The following SLC44A3 variants were observed in gnomAD, a reference collection of about 807,000 sequenced individuals.
SLC44A3 encodes solute carrier family 44 member 3, also known as choline transporter-like protein 3.
Under a neutral mutation model 75.4 loss-of-function variants are expected in SLC44A3, and 74 were observed. The observed-to-expected ratio is 0.98, with a 90% CI of 0.81 to 1.19. The LOEUF is 1.19. Among genes scored for constraint, SLC44A3 ranks in the 50% most tolerant of loss-of-function variants. The pLI, the probability that SLC44A3 is intolerant of heterozygous loss-of-function variation, is 0.00. For missense variants in SLC44A3, 700 were observed against 778.6 expected, an observed-to-expected ratio of 0.90 and a Z score of 1.20; for synonymous variants, 310 against 296.9, an observed-to-expected ratio of 1.04 and a Z score of -0.45.
At chr1:94,892,029 T>G (rs574980845) in intron 13 of SLC44A3, among the ~76,000 whole-genome samples, 26 of 152,356 alleles carry the variant, frequency 1.7e-4, no homozygotes, top group Admixed American at 6.5e-4. Context: ...ATTACATTTA[T>G]ATAAATACAA....
intron 5 of SLC44A3, among the ~76,000 whole-genome samples, chr1:94,834,227 G>C (rs1662492685): frequency 1.0e-5 from 1 of 99,764 alleles, no homozygotes; most frequent in African/African-American, 3.5e-5. Context: ...AGAAATGGCA[G>C]GTTCTAGGAC....
At chr1:94,859,150 A>G (rs1402337104) in intron 10 of SLC44A3, among the ~76,000 whole-genome samples, 1 of 152,208 alleles carries the variant, frequency 6.6e-6, no homozygotes, top group Non-Finnish European at 1.5e-5. Flanking sequence ...GAGCAAAGAG[A>G]GTATTCTAAC....
chr1:94,836,913 C>CAAAAAAAAA (rs56149444), intron 5 of SLC44A3: 13 of 124,312 alleles, frequency 1.0e-4, no homozygotes, highest in African/African-American at 3.1e-4. Flanking sequence ...CCTGTCTCAA[C>CAAAAAAAAA]AAAAAAAAAA....
At chr1:94,824,762 G>T (rs1297090931) in intron 3 of SLC44A3, 127 bp downstream of exon 3, 9 of 1,156,614 alleles carry the variant, frequency 7.8e-6, no homozygotes, top group South Asian at 1.7e-5. Context: ...AAAAAGGAAG[G>T]CTGTGTATAT....
chr1:94,840,108 A>G, intron 7 of SLC44A3, 71 bp downstream of exon 7: 1 of 1,375,554 alleles, frequency 7.3e-7, no homozygotes, highest in Non-Finnish European at 1.0e-6. Context: ...TACAGAACTT[A>G]AAAGTTGGCA....
Position 94,820,483 on chromosome 1 carries a change from G to A in SLC44A3, c.27+5G>A, listed in dbSNP as rs961503026. ...TGCCTGGGCGCCGAGTACCTGGTAA[G>A]CGCTCGCAGCCTCGGCCCTCGGGGG... is the stretch of plus-strand genomic sequence containing the variant. On this transcript the variant is annotated splice_donor_5th_base_variant and intron_variant, in intron 1 of 14. Coordinates refer to ENST00000271227, the MANE Select transcript of SLC44A3 (RefSeq NM_001114106.3). 5.9e-5 allele frequency: 88 copies of A among 1,494,838 alleles called. 1 individual carries two copies. The Admixed American group carries it at 6.3e-4, about 11-fold the overall frequency. 92.6% of individuals were successfully genotyped at this position (1,494,838 alleles called of 1,614,324 possible).
At chr1:94,830,612 T>C (rs998842279) in intron 5 of SLC44A3, among the ~76,000 whole-genome samples, 13 of 152,268 alleles carry the variant, frequency 8.5e-5, no homozygotes, top group African/African-American at 3.1e-4. Flanking sequence ...TAATGAAACA[T>C]ACTGAACCCA....
chr1:94,825,268 G>A (rs1176763872), intron 3 of SLC44A3, among the ~76,000 whole-genome samples: 2 of 152,220 alleles, frequency 1.3e-5, no homozygotes, highest in Non-Finnish European at 2.9e-5. Context: ...AGACTGCCTT[G>A]TAAGAATTTT....
intron 12 of SLC44A3, among the ~76,000 whole-genome samples, chr1:94,882,166 G>A (rs1422511228): frequency 6.6e-6 from 1 of 152,186 alleles, no homozygotes; most frequent in East Asian, 1.9e-4. Context: ...TGCGTATTAG[G>A]TAGGTATTAT....
rs1228543984 is a variant in SLC44A3 at position 94,891,169 on chromosome 1, T to G, written c.1522T>G (p.Cys508Gly). 6.2e-7 allele frequency: 1 copy of G among 1,613,586 alleles called. No homozygotes were observed. The highest frequency in any genetic ancestry group is 1.3e-5 in the African/African-American group (1 of 75,050). Reference sequence around the variant, plus strand: ...AACTGCTATTAATGGGACAGATTTCTGTACATCAGCAAAAGATGCATTCAA... The same window carrying G: ...AACTGCTATTAATGGGACAGATTTCGGTACATCAGCAAAAGATGCATTCAA... ...TTTAINGTDFCTSAKDAFKIL... is the reference protein window; with the variant it reads ...TTTAINGTDFGTSAKDAFKIL... The change falls in exon 13 of 15, where the codon TGT becomes GGT. Residue 508 changes from cysteine (C) to glycine (G), a missense_variant. By Grantham distance (159) the Cys-to-Gly change is radical (BLOSUM62 -3). Transcript: ENST00000271227.
intron 13 of SLC44A3, among the ~76,000 whole-genome samples, chr1:94,891,870 C>A (rs1670254269): frequency 6.6e-6 from 1 of 151,980 alleles, no homozygotes; most frequent in African/African-American, 2.4e-5. Flanking sequence ...TTGCAGTGAG[C>A]CGAGATCACA....
At chr1:94,859,101 C>T (rs1394186069) in intron 10 of SLC44A3, among the ~76,000 whole-genome samples, 3 of 152,074 alleles carry the variant, frequency 2.0e-5, no homozygotes, top group Non-Finnish European at 4.4e-5. Context: ...TCCAAGCAGC[C>T]GGGGGTGGGT....
At chr1:94,888,518 C>A in intron 12 of SLC44A3, 1 of 218,972 alleles carries the variant, frequency 4.6e-6, no homozygotes, top group Non-Finnish European at 7.7e-6. Flanking sequence ...TTCCACATCC[C>A]TGCACAAGAC....
chr1:94,875,223 T>G (rs1668152203), intron 12 of SLC44A3, among the ~76,000 whole-genome samples: 1 of 152,060 alleles, frequency 6.6e-6, no homozygotes, highest in Non-Finnish European at 1.5e-5. Context: ...CTGAAACAAA[T>G]GAGAGGCATT....
At chr1:94,876,426 C>T (rs1215301940) in intron 12 of SLC44A3, among the ~76,000 whole-genome samples, 1 of 152,238 alleles carries the variant, frequency 6.6e-6, no homozygotes, top group Non-Finnish European at 1.5e-5. Flanking sequence ...GAAGTCCATG[C>T]TCTTGTAAGC....
chr1:94,821,047 G>A lies in SLC44A3; in HGVS notation c.126G>A (p.Trp42Ter), dbSNP rs1660502862. Residue 42 changes from tryptophan to a stop codon, truncating the protein, a stop_gained, in exon 2 of 15, where the codon TGG becomes TGA. Coordinates refer to ENST00000271227, the MANE Select transcript of SLC44A3 (RefSeq NM_001114106.3). LOFTEE classifies it high-confidence loss of function. The stretch of plus-strand genomic sequence containing the variant: ...GGTTATTCCTGTTCTTTCTCTTTTG[G>A]ACTGGTTTGGTAAGTGTGGGTGCTT... Reference protein sequence around the residue: ...TAWLFLFFLFWTGLVFIMGYS... With the variant: ...TAWLFLFFLF 1 of 1,551,116 alleles carries A rather than the reference G, an allele frequency of 6.4e-7. No homozygotes were observed. Among genetic ancestry groups the A allele is most frequent in the Non-Finnish European group, 8.7e-7 (1 of 1,146,632 alleles).
chr1:94,824,078 C>CA (rs143686729), intron 2 of SLC44A3, among the ~76,000 whole-genome samples: 6 of 137,006 alleles, frequency 4.4e-5, no homozygotes, highest in African/African-American at 1.1e-4. Flanking sequence ...AAAAGAAAAA[C>CA]AAAAAAAGTA....
intron 12 of SLC44A3, among the ~76,000 whole-genome samples, chr1:94,881,131 T>C (rs553334055): frequency 1.4e-3 from 213 of 152,334 alleles, no homozygotes; most frequent in African/African-American, 5.0e-3. Context: ...GACCAAACTA[T>C]GTTACCAAAC....
chr1:94,870,248 G>T (rs1667608019), intron 12 of SLC44A3, among the ~76,000 whole-genome samples: 1 of 152,232 alleles, frequency 6.6e-6, no homozygotes, highest in Non-Finnish European at 1.5e-5. Flanking sequence ...TATGCTGTAT[G>T]CAGACTATTT....
Sources: gnomAD v4.1 joint callset for allele counts (sites outside exome capture counted in the v4.1 genomes callset) on GRCh38, gnomAD v4.1.1 for gene constraint, MANE v1.5 for transcripts, NCBI Gene and HGNC (gene_info 2026-07-23, HGNC 2026-07-21) for gene names.